FAM193B: variants seen among roughly 807,000 people sequenced by gnomAD.
FAM193B encodes the protein family with sequence similarity 193 member B, also known as protein FAM193B.
A neutral mutation model predicts 70.7 loss-of-function variants in FAM193B; 27 were observed. That is an observed-to-expected ratio of 0.38 (90% CI 0.28 to 0.53). FAM193B has a LOEUF of 0.53. Ranked by LOEUF, FAM193B falls within the 20% of genes least tolerant of loss-of-function variation. The pLI is 0.81. For synonymous variants in FAM193B, 448 were observed against 436.0 expected, an observed-to-expected ratio of 1.03 and a Z score of -0.34; for missense variants, 1,022 against 1,072.5, an observed-to-expected ratio of 0.95 and a Z score of 0.66.
chr5:177,527,584 A>ATGCATCGCTCCATTTCATCCC (rs1321896407), intron 5 of FAM193B, among the ~76,000 whole-genome samples: 1 of 152,204 alleles, frequency 6.6e-6, no homozygotes, highest in Non-Finnish European at 1.5e-5. Context: ...TAACCTTTCC[A>ATGCATCGCTCCATTTCATCCC]TGCATCGCTC....
rs1762219362 is a variant in FAM193B at position 177,524,197 on chromosome 5, C to T, written c.2284G>A (p.Ala762Thr). 2.6e-6 allele frequency: 4 copies of T among 1,557,326 alleles called. No individual in the cohort carries two copies. Among genetic ancestry groups the T allele is most frequent in the Non-Finnish European group, 3.5e-6 (4 of 1,151,440 alleles). ...RRSRNKQEKP[A>T]SSLDDVFLPK... is the part of the protein sequence containing the mutation. ...CTGGTGCACTCACCCAAGGAGGAGG[C>T]TGGCTTCTCCTGCTTGTTGCGGCTC... The change falls in exon 6 of 9, where the codon GCC (alanine) becomes ACC (threonine). Residue 762 changes from alanine to threonine, a missense_variant. Physicochemically the swap from Ala to Thr is moderately conservative, Grantham distance 58. Transcript: ENST00000514747.
chr5:177,528,866 A>G (rs1456936772), intron 5 of FAM193B, among the ~76,000 whole-genome samples: 4 of 151,906 alleles, frequency 2.6e-5, no homozygotes, highest in African/African-American at 9.7e-5. Flanking sequence ...AGATTCACTC[A>G]TGTGCTTTTC....
Position 177,525,190 on chromosome 5 carries a change from G to C in FAM193B, c.1291C>G (p.Gln431Glu). 6.8e-7 allele frequency: 1 copy of C among 1,461,422 alleles called. No homozygotes were observed. Among genetic ancestry groups the C allele is most frequent in the Non-Finnish European group, 9.1e-7 (1 of 1,102,974 alleles). 90.5% of individuals were successfully genotyped at this position (1,461,422 alleles called of 1,614,324 possible). Residue 431 changes from glutamine to glutamate, a missense_variant, in exon 6 of 9, where the codon CAG becomes GAG. Gln to Glu is a conservative substitution (Grantham distance 29). Coordinates refer to ENST00000514747, the MANE Select transcript of FAM193B (RefSeq NM_001190946.3). ...FGHNAEKEKA[Q>E]LAAEALKQAN... Reference sequence around the variant, plus strand: ...TGCTTTAGAGCTTCTGCTGCCAACTGGGCCTTCTCCTTTTCCTGCCAAGGC... The same window carrying C: ...TGCTTTAGAGCTTCTGCTGCCAACTCGGCCTTCTCCTTTTCCTGCCAAGGC...
At chr5:177,543,104 TATA>T (rs1765045965) in intron 1 of FAM193B, among the ~76,000 whole-genome samples, 1 of 152,214 alleles carries the variant, frequency 6.6e-6, no homozygotes, top group African/African-American at 2.4e-5. Context: ...CTTTAGGGAT[TATA>T]ATGAGATGCC....
chr5:177,529,080 A>G (rs2127458418), intron 5 of FAM193B, among the ~76,000 whole-genome samples: 1 of 152,184 alleles, frequency 6.6e-6, no homozygotes, highest in Middle Eastern at 3.4e-3. Flanking sequence ...TGACCTGGGA[A>G]GAAGAGAACG....
At chr5:177,553,827 T>C in intron 1 of FAM193B, 1 of 1,283,218 alleles carries the variant, frequency 7.8e-7, no homozygotes, top group Non-Finnish European at 1.0e-6. Flanking sequence ...GTGGAGCCGT[T>C]CCCGGGGGCA....
rs1347058991 is a variant in FAM193B at position 177,538,131 on chromosome 5, C to G, written c.454-24G>C. On this transcript the variant is annotated intron_variant, in intron 2 of 8. Transcript: ENST00000514747. This position sits in a 1 kb window ranked among gnomAD's most constrained non-coding sequence, Gnocchi z 4.1. ...ATCTGGAGAAGGGGGAGGAAAAAGG[C>G]TCACGGTCAAACAGCAAACATCGGA... is the stretch of plus-strand genomic sequence containing the variant. 1.2e-5 allele frequency: 18 copies of G among 1,518,608 alleles called. No homozygotes were observed. Among genetic ancestry groups the G allele is most frequent in the Non-Finnish European group, 1.6e-5 (18 of 1,125,654 alleles). The allele number at this position is 1,518,608 out of a possible 1,614,324, so 94.1% of individuals were successfully genotyped here. A position where few individuals can be genotyped will look rare whatever the true frequency, so the allele number is the denominator to read the frequency against.
chr5:177,528,849 C>T (rs1212506759), intron 5 of FAM193B, among the ~76,000 whole-genome samples: 1 of 152,148 alleles, frequency 6.6e-6, no homozygotes, highest in Admixed American at 6.5e-5. Context: ...ACGTGGCTGG[C>T]TGCCACAGAT....
chr5:177,536,691 G>T lies in FAM193B; in HGVS notation c.743C>A (p.Pro248His). 6.4e-7 allele frequency: 1 copy of T among 1,558,728 alleles called. No homozygotes were observed. Among genetic ancestry groups the T allele is most frequent in the South Asian group, 1.2e-5 (1 of 84,196 alleles). The change falls in exon 4 of 9, where the codon CCT becomes CAT. Residue 248 changes from proline (P) to histidine (H), a missense_variant. Physicochemically the swap from Pro to His is moderately conservative, Grantham distance 77. Transcript: ENST00000514747. Reference protein sequence around the residue: ...HHQHSDLTAPPNSPTGHHPQP... With the variant: ...HHQHSDLTAPHNSPTGHHPQP... Reference sequence around the variant, plus strand: ...CGGGTGGTGGCCGGTGGGGCTGTTAGGGGGAGCAGTGAGGTCTGAGTGCTG... The same window carrying T: ...CGGGTGGTGGCCGGTGGGGCTGTTATGGGGAGCAGTGAGGTCTGAGTGCTG...
At chr5:177,553,316 C>T (rs1411003549) in intron 1 of FAM193B, 2 of 988,858 alleles carry the variant, frequency 2.0e-6, no homozygotes, top group Admixed American at 6.1e-5. Context: ...GGCGCCGCAT[C>T]CGACCCTCCA....
intron 1 of FAM193B, among the ~76,000 whole-genome samples, chr5:177,550,679 G>C (rs1766096395): frequency 6.6e-6 from 1 of 152,212 alleles, no homozygotes; most frequent in African/African-American, 2.4e-5. Flanking sequence ...TACAAACTCA[G>C]TGGTCCAAGA....
At position 177,554,556 on chromosome 5, in the gene FAM193B, G is replaced by A. The variant is rs2127500085; in HGVS notation, c.-98C>T. 1.4e-6 allele frequency: 1 copy of A among 726,130 alleles called. No homozygotes were observed. Among genetic ancestry groups the A allele is most frequent in the Non-Finnish European group, 1.7e-6 (1 of 596,212 alleles). The allele number at this position is 726,130 out of a possible 1,614,324, so 45.0% of individuals were successfully genotyped here. A position where few individuals can be genotyped will look rare whatever the true frequency, so the allele number is the denominator to read the frequency against. On this transcript the variant is annotated 5_prime_UTR_variant, in exon 1 of 9. Coordinates refer to ENST00000514747, the MANE Select transcript of FAM193B (RefSeq NM_001190946.3). ...CTACCGCTCCCCTCACAGGACAACA[G>A]CCAATATGGCGGCGCCCGGTTCCCC... is the stretch of plus-strand genomic sequence containing the variant.
At chr5:177,521,863 C>A (rs1761796665) in intron 8 of FAM193B, 111 bp downstream of exon 8, 2 of 792,352 alleles carry the variant, frequency 2.5e-6, no homozygotes, top group East Asian at 5.2e-5. Context: ...GGATCCCATG[C>A]CCCAAGTCCA....
intron 5 of FAM193B, among the ~76,000 whole-genome samples, chr5:177,527,270 T>G (rs965491796): frequency 7.9e-5 from 12 of 151,822 alleles, no homozygotes; most frequent in Non-Finnish European, 1.8e-4. Context: ...GTGGGGCAGG[T>G]GGGCAGGAAG....
chr5:177,550,743 G>A (rs1180117520), intron 1 of FAM193B, among the ~76,000 whole-genome samples: 1 of 152,200 alleles, frequency 6.6e-6, no homozygotes, highest in African/African-American at 2.4e-5. Context: ...GGCTTTGTAT[G>A]GCCACCTGGC....
At position 177,538,787 on chromosome 5, in the gene FAM193B, C is replaced by T. The variant is rs1328720907; in HGVS notation, c.453+118G>A. 7.3e-7 allele frequency: 1 copy of T among 1,366,562 alleles called. No homozygotes were observed. Among genetic ancestry groups the T allele is most frequent in the Admixed American group, 2.2e-5 (1 of 46,312 alleles). The allele number at this position is 1,366,562 out of a possible 1,614,324, so 84.7% of individuals were successfully genotyped here. A position where few individuals can be genotyped will look rare whatever the true frequency, so the allele number is the denominator to read the frequency against. Reference sequence around the variant, plus strand: ...TGCTGTGCCAGTGCAGCCCAGAAGTCTCTCAGTGCCTGGGCATGGGAGCTG... The same window carrying T: ...TGCTGTGCCAGTGCAGCCCAGAAGTTTCTCAGTGCCTGGGCATGGGAGCTG... On this transcript the variant is annotated intron_variant, in intron 2 of 8. Coordinates refer to ENST00000514747, the MANE Select transcript of FAM193B (RefSeq NM_001190946.3). The surrounding 1 kb of genome is among the most constrained non-coding windows in gnomAD (Gnocchi z 4.1).
chr5:177,551,700 TACA>T (rs1766268945), intron 1 of FAM193B, among the ~76,000 whole-genome samples: 1 of 152,178 alleles, frequency 6.6e-6, no homozygotes, highest in African/African-American at 2.4e-5. Flanking sequence ...GCTGGGGCAT[TACA>T]ACAAGCCTGT....
intron 5 of FAM193B, chr5:177,531,166 T>G (rs1227441794): frequency 5.4e-6 from 6 of 1,110,360 alleles, no homozygotes; most frequent in Non-Finnish European, 1.2e-6. Flanking sequence ...CCCAGAACAG[T>G]GAGCCAAGCT....
chr5:177,543,405 C>T (rs1029389770), intron 1 of FAM193B, among the ~76,000 whole-genome samples: 1 of 152,208 alleles, frequency 6.6e-6, no homozygotes, highest in South Asian at 2.1e-4. Flanking sequence ...ATTATCTAAG[C>T]CCCTTGGCTG....
Sources: gnomAD v4.1 joint callset for allele counts (sites outside exome capture counted in the v4.1 genomes callset) on GRCh38, gnomAD v4.1.1 for gene constraint, Gnocchi (gnomAD v3.1) non-coding constraint, MANE v1.5 for transcripts, NCBI Gene and HGNC (gene_info 2026-07-23, HGNC 2026-07-21) for gene names.